Variants in GSE1 observed in about 807,000 individuals in gnomAD.
GSE1 encodes the protein Gse1 coiled-coil protein, also known as genetic suppressor element 1.
In GSE1, 32 loss-of-function variants were observed where a neutral mutation model predicts 112.6. The observed-to-expected ratio is 0.28, with a 90% CI of 0.21 to 0.38. The LOEUF (loss-of-function observed/expected upper bound fraction) is 0.38, where lower values mean the gene tolerates loss of function less well. Among genes scored for constraint, GSE1 ranks in the 10% least tolerant of loss-of-function variants. The pLI is 1.00. For synonymous variants in GSE1, 1,115 were observed against 735.6 expected (o/e 1.52, Z -8.35); for missense variants, 2,348 against 1,699.2 (o/e 1.38, Z -6.71).
At chr16:85,655,977 G>T (rs2051891843) in intron 6 of GSE1, 60 bp downstream of exon 6, 1 of 1,399,352 alleles carries the variant, frequency 7.1e-7, no homozygotes, top group East Asian at 2.3e-5. Context: ...TGGCAGCTGG[G>T]CAGAAAGCCT....
At chr16:85,477,146 G>A (rs565405656) in intron 2 of GSE1, among the ~76,000 whole-genome samples, 3 of 151,982 alleles carry the variant, frequency 2.0e-5, no homozygotes, top group East Asian at 1.9e-4. Context: ...CAGGGTGGTC[G>A]GGTGATCCGC....
At position 85,639,070 on chromosome 16, in the gene GSE1, C is replaced by CA. The variant is rs147060960; in HGVS notation, c.226+4939dup. On this transcript the variant is annotated intron_variant, in intron 2 of 15. Transcript: ENST00000253458. The stretch of plus-strand genomic sequence containing the variant: ...CTGAGTTGATCCTGGGTTGCACCCC[C>CA]AGCCCCTTCCCAGCGACCGGCCTGG... Among the ~76,000 whole-genome samples the CA allele has an allele frequency of 8.0e-4, 122 of 152,334 alleles. No individual in the cohort carries two copies. The East Asian group carries it at 0.023, about 28-fold the overall frequency.
At chr16:85,362,451 G>A (rs991391621) in intron 2 of GSE1, among the ~76,000 whole-genome samples, 4 of 152,192 alleles carry the variant, frequency 2.6e-5, no homozygotes, top group African/African-American at 9.7e-5. Flanking sequence ...GGAGGGGCTT[G>A]GACTCAGGTC....
chr16:85,482,180 C>A (rs1295113528), intron 2 of GSE1, among the ~76,000 whole-genome samples: 1 of 152,190 alleles, frequency 6.6e-6, no homozygotes, highest in African/African-American at 2.4e-5. Context: ...CCAGTGCTGT[C>A]GGCTGGAGAA....
intron 2 of GSE1, among the ~76,000 whole-genome samples, chr16:85,634,920 C>T (rs1411270363): frequency 6.6e-6 from 1 of 152,060 alleles, no homozygotes; most frequent in South Asian, 2.1e-4. Flanking sequence ...GGATTCTGGC[C>T]TCGGACACCC....
At chr16:85,428,241 C>T (rs766586911) in intron 2 of GSE1, among the ~76,000 whole-genome samples, 18 of 152,360 alleles carry the variant, frequency 1.2e-4, no homozygotes, top group African/African-American at 3.1e-4. Flanking sequence ...GGTCCAGCCC[C>T]GGCCCTGGGC....
At chr16:85,561,363 T>G (rs1269936785) in intron 1 of GSE1, among the ~76,000 whole-genome samples, 2 of 152,100 alleles carry the variant, frequency 1.3e-5, no homozygotes, top group Non-Finnish European at 2.9e-5. Flanking sequence ...GCTTCATAAA[T>G]ATTTGTTGAC....
At position 85,272,032 on chromosome 16, in the gene GSE1, C is replaced by T. The variant is rs75192774; in HGVS notation, c.2284-85431C>T. ...CCTTCCCTCTGGTGGAGGCTGCCTC[C>T]TGTGCACTACAGGGCATGGTGCCGC... On this transcript the variant is annotated intron_variant, in intron 1 of 2. Coordinates refer to the GSE1 transcript ENST00000637419. Among the ~76,000 whole-genome samples, 702 of 152,362 alleles carry T rather than the reference C, an allele frequency of 4.6e-3. 4 individuals carry two copies. The highest frequency in any genetic ancestry group is 0.016 in the African/African-American group (660 of 41,582).
intron 2 of GSE1, among the ~76,000 whole-genome samples, chr16:85,420,865 A>C (rs1192061084): frequency 1.3e-5 from 2 of 152,052 alleles, no homozygotes; most frequent in Non-Finnish European, 1.5e-5. Flanking sequence ...GCGGGCCTCC[A>C]CACGGGGGCG....
chr16:85,412,714 A>G (rs1370427600), intron 2 of GSE1, among the ~76,000 whole-genome samples: 1 of 138,386 alleles, frequency 7.2e-6, no homozygotes, highest in Non-Finnish European at 1.6e-5. Context: ...GATAATCCTC[A>G]CTGTTACTCT....
At chr16:85,517,547 G>A (rs766900373) in intron 2 of GSE1, among the ~76,000 whole-genome samples, 9 of 152,214 alleles carry the variant, frequency 5.9e-5, no homozygotes, top group Non-Finnish European at 1.2e-4. Context: ...TTTGCCTGGA[G>A]AGAGTGGAAG....
chr16:85,449,051 G>A (rs918471633), intron 2 of GSE1, among the ~76,000 whole-genome samples: 11 of 152,274 alleles, frequency 7.2e-5, no homozygotes, highest in African/African-American at 2.4e-4. Flanking sequence ...GCAGGTGGCC[G>A]GGCGCAGGAG....
At chr16:85,189,858 G>C (rs1457785276) in intron 1 of GSE1, among the ~76,000 whole-genome samples, 2 of 152,170 alleles carry the variant, frequency 1.3e-5, no homozygotes, top group Non-Finnish European at 2.9e-5. Flanking sequence ...GTTCTGTAAT[G>C]ATGTCCCCCC....
At chr16:85,225,602 G>A (rs1000211231) in intron 1 of GSE1, among the ~76,000 whole-genome samples, 3 of 152,176 alleles carry the variant, frequency 2.0e-5, no homozygotes, top group Admixed American at 2.0e-4. Context: ...GTGCGGTCAC[G>A]GTCTTAGGGA....
At chr16:85,343,803 G>A (rs748885583) in intron 1 of GSE1, among the ~76,000 whole-genome samples, 1 of 151,992 alleles carries the variant, frequency 6.6e-6, no homozygotes, top group Non-Finnish European at 1.5e-5. Flanking sequence ...TCTTCAGCTC[G>A]GAACATCCAG....
intron 1 of GSE1, among the ~76,000 whole-genome samples, chr16:85,557,942 C>G (rs1386234561): frequency 6.6e-6 from 1 of 151,932 alleles, no homozygotes; most frequent in African/African-American, 2.4e-5. Flanking sequence ...TATTTTCCAG[C>G]GTTTCCATTC....
chr16:85,587,637 G>C (rs2046770640), intron 1 of GSE1, among the ~76,000 whole-genome samples: 2 of 152,270 alleles, frequency 1.3e-5, no homozygotes, highest in Admixed American at 1.3e-4. Flanking sequence ...TCACTGAGCA[G>C]AGGCTGGAGT....
intron 2 of GSE1, among the ~76,000 whole-genome samples, chr16:85,470,512 T>C (rs1022430992): frequency 6.6e-6 from 1 of 152,210 alleles, no homozygotes; most frequent in Non-Finnish European, 1.5e-5. Flanking sequence ...ATGTGTGGCT[T>C]CTTGGGTGCC....
At chr16:85,531,571 C>T (rs1238220204) in intron 2 of GSE1, among the ~76,000 whole-genome samples, 1 of 152,068 alleles carries the variant, frequency 6.6e-6, no homozygotes, top group Non-Finnish European at 1.5e-5. Context: ...CCCGCTGGCA[C>T]CTTACACAGA....
Sources: gnomAD v4.1 joint callset for allele counts (sites outside exome capture counted in the v4.1 genomes callset) on GRCh38, gnomAD v4.1.1 for gene constraint, MANE v1.5 for transcripts, NCBI Gene and HGNC (gene_info 2026-07-23, HGNC 2026-07-21) for gene names.